The following SGCZ variants were observed in gnomAD, a reference collection of about 807,000 sequenced individuals.
SGCZ encodes zeta-sarcoglycan.
Under a neutral mutation model 41.3 loss-of-function variants are expected in SGCZ, and 40 were observed. That is an observed-to-expected ratio of 0.97 (90% confidence interval 0.75 to 1.26). The LOEUF is 1.26. SGCZ is among the 50% of genes most tolerant of loss of function. SGCZ has a pLI of 0.00. For synonymous variants in SGCZ, 206 were observed against 137.5 expected (o/e 1.50, Z -3.49); for missense variants, 552 against 369.8 (o/e 1.49, Z -4.04).
At chr8:14,630,630 C>T (rs1806616717) in intron 1 of SGCZ, among the ~76,000 whole-genome samples, 1 of 151,902 alleles carries the variant, frequency 6.6e-6, no homozygotes, top group South Asian at 2.1e-4. Flanking sequence ...CCCAAATGTC[C>T]AAAAATGATA....
At chr8:14,475,769 C>G (rs1448791325) in intron 2 of SGCZ, among the ~76,000 whole-genome samples, 1 of 152,122 alleles carries the variant, frequency 6.6e-6, no homozygotes, top group Non-Finnish European at 1.5e-5. Context: ...TATATATACA[C>G]ACACACAACA....
chr8:14,727,086 C>T (rs540808554), intron 1 of SGCZ, among the ~76,000 whole-genome samples: 15 of 151,682 alleles, frequency 9.9e-5, no homozygotes, highest in South Asian at 2.1e-4. Flanking sequence ...TTAAAAAGAA[C>T]GTATAAAGAG....
intron 1 of SGCZ, among the ~76,000 whole-genome samples, chr8:14,910,440 C>T (rs1262088334): frequency 1.3e-5 from 2 of 151,942 alleles, no homozygotes; most frequent in Non-Finnish European, 2.9e-5. Flanking sequence ...AATTTGAAAT[C>T]TTACTAAATT....
At chr8:15,199,924 TA>T (rs1358120386) in intron 1 of SGCZ, among the ~76,000 whole-genome samples, 2 of 152,186 alleles carry the variant, frequency 1.3e-5, no homozygotes, top group Non-Finnish European at 2.9e-5. Context: ...CATGAAAATG[TA>T]AGGGCCAATT....
intron 4 of SGCZ, among the ~76,000 whole-genome samples, chr8:14,221,599 T>C (rs1023527560): frequency 6.6e-6 from 1 of 152,162 alleles, no homozygotes; most frequent in Non-Finnish European, 1.5e-5. Flanking sequence ...ATTACAATTG[T>C]GTATATGTTA....
intron 3 of SGCZ, among the ~76,000 whole-genome samples, chr8:14,299,747 A>T (rs922505132): frequency 2.6e-5 from 4 of 151,934 alleles, no homozygotes; most frequent in Admixed American, 6.6e-5. Context: ...AAAACTCATC[A>T]TTTCTTACAA....
chr8:14,707,835 T>A (rs547298386), intron 1 of SGCZ, among the ~76,000 whole-genome samples: 3 of 152,150 alleles, frequency 2.0e-5, no homozygotes, highest in Non-Finnish European at 2.9e-5. Flanking sequence ...TTTGACACAA[T>A]TGAGTTTAAC....
At chr8:14,959,787 G>A (rs185266537) in intron 1 of SGCZ, among the ~76,000 whole-genome samples, 41 of 152,146 alleles carry the variant, frequency 2.7e-4, no homozygotes, top group African/African-American at 9.9e-4. Flanking sequence ...CTACTTATTG[G>A]TAATCGAAAT....
intron 5 of SGCZ, among the ~76,000 whole-genome samples, chr8:14,124,272 C>T (rs1483255003): frequency 6.6e-6 from 1 of 152,088 alleles, no homozygotes; most frequent in African/African-American, 2.4e-5. Context: ...CTTTGTCCTT[C>T]ACTCCCTCTT....
intron 1 of SGCZ, among the ~76,000 whole-genome samples, chr8:14,999,967 A>G (rs1277112461): frequency 6.6e-6 from 1 of 152,162 alleles, no homozygotes; most frequent in Admixed American, 6.5e-5. Flanking sequence ...GCATACGTGG[A>G]TGCTCACACT....
chr8:14,669,532 T>C (rs1354137681), intron 1 of SGCZ, among the ~76,000 whole-genome samples: 1 of 152,122 alleles, frequency 6.6e-6, no homozygotes, highest in African/African-American at 2.4e-5. Context: ...TTTCTATGAG[T>C]ATAACAACAT....
intron 1 of SGCZ, among the ~76,000 whole-genome samples, chr8:15,094,737 G>A (rs186769944): frequency 8.5e-5 from 13 of 152,066 alleles, no homozygotes; most frequent in Non-Finnish European, 1.9e-4. Flanking sequence ...AATCATGGGG[G>A]CAGTTTCCCC....
intron 2 of SGCZ, among the ~76,000 whole-genome samples, chr8:14,435,264 T>C (rs954069351): frequency 2.0e-5 from 3 of 152,174 alleles, no homozygotes; most frequent in African/African-American, 7.2e-5. Flanking sequence ...TTGCCTTGAA[T>C]GTTCAACATC....
intron 1 of SGCZ, among the ~76,000 whole-genome samples, chr8:14,566,416 TC>T (rs11341297): frequency 0.2 from 29,508 of 150,236 alleles, 2,988 homozygotes; most frequent in Middle Eastern, 0.27. Flanking sequence ...CCCTGCTGGG[TC>T]GATTCCCTAC....
intron 5 of SGCZ, among the ~76,000 whole-genome samples, chr8:14,144,843 C>T (rs75163812): frequency 2.0e-3 from 298 of 152,164 alleles, no homozygotes; most frequent in African/African-American, 6.7e-3. Flanking sequence ...GTAGTCTGAC[C>T]GTACTCCTTG....
chr8:14,131,180 T>C (rs1279306444), intron 5 of SGCZ, among the ~76,000 whole-genome samples: 2 of 152,106 alleles, frequency 1.3e-5, no homozygotes, highest in East Asian at 1.9e-4. Context: ...ATCTCTAGTA[T>C]TAACCCAGAC....
At chr8:14,769,400 T>A (rs982705628) in intron 1 of SGCZ, among the ~76,000 whole-genome samples, 7 of 152,296 alleles carry the variant, frequency 4.6e-5, no homozygotes, top group African/African-American at 1.4e-4. Context: ...AGAACTTTTT[T>A]TAAAAAAGTT....
At chr8:15,126,464 C>T (rs758738793) in intron 1 of SGCZ, among the ~76,000 whole-genome samples, 5 of 152,046 alleles carry the variant, frequency 3.3e-5, no homozygotes, top group Non-Finnish European at 5.9e-5. Context: ...AGCAAAAACA[C>T]GGGGAATACA....
At chr8:15,024,152 A>C (rs1348074272) in intron 1 of SGCZ, among the ~76,000 whole-genome samples, 1 of 152,222 alleles carries the variant, frequency 6.6e-6, no homozygotes, top group African/African-American at 2.4e-5. Flanking sequence ...AATTGGAGAC[A>C]ATGATTTCAA....
Sources: allele counts gnomAD v4.1 joint callset (sites outside exome capture counted in the v4.1 genomes callset), GRCh38; gene constraint gnomAD v4.1.1; transcripts MANE v1.5; gene names NCBI Gene and HGNC (gene_info 2026-07-23, HGNC 2026-07-21).